The following TTC14 variants were observed in gnomAD, a reference collection of about 807,000 sequenced individuals.
The protein encoded by TTC14 is tetratricopeptide repeat protein 14.
Under a neutral mutation model 79.9 loss-of-function variants are expected in TTC14, and 63 were observed. The observed-to-expected ratio is 0.79, with a 90% CI of 0.64 to 0.97. The LOEUF (loss-of-function observed/expected upper bound fraction) is 0.97, where lower values mean the gene tolerates loss of function less well. Among genes scored for constraint, TTC14 ranks in the 50% least tolerant of loss-of-function variants. The probability of loss-of-function intolerance (pLI) is 0.00; values close to 1 mark genes in which losing one functional copy is unlikely to be tolerated. For synonymous variants in TTC14, 335 were observed against 309.6 expected, an observed-to-expected ratio of 1.08 and a Z score of -0.86; for missense variants, 895 against 894.0, an observed-to-expected ratio of 1.00 and a Z score of -0.01.
At chr3:180,617,012 C>T (rs755443127) in intron 12 of TTC14, 3 of 1,000,760 alleles carry the variant, frequency 3.0e-6, no homozygotes, top group African/African-American at 3.4e-5. Flanking sequence ...CAGAAATTGA[C>T]TTTTATAACT....
At position 180,606,119 on chromosome 3, in the gene TTC14, G is replaced by A. The variant is rs775049158; in HGVS notation, c.930-134G>A. ...CCAAAGGCAGAAGAACGTTCCTTAG[G>A]TATATTGTGAGTACTCTGAAAACTA... On this transcript the variant is annotated intron_variant, in intron 7 of 11. Transcript: ENST00000296015. 7.4e-6 allele frequency: 9 copies of A among 1,218,958 alleles called. No individual in the cohort carries two copies. In the Admixed American group the frequency reaches 1.3e-4, roughly 17 times the overall value. The allele number at this position is 1,218,958 out of a possible 1,614,324, so 75.5% of individuals were successfully genotyped here.
In TTC14 at chr3:180,602,976, G is replaced by A. The variant is rs764904656; in HGVS notation, c.247G>A (p.Asp83Asn). 13 of 1,613,812 alleles carry A rather than the reference G, an allele frequency of 8.1e-6. No individual in the cohort carries two copies. Among genetic ancestry groups the A allele is most frequent in the Non-Finnish European group, 2.5e-6 (3 of 1,179,982 alleles). ...GCTTTTTGCACTTTCCTGGAAATCA[G>A]ATGCACCTGCAACTTCTGAAATTAA... The part of the protein sequence containing the change: ...DLLFALSWKS[D>N]APATSEINED... Residue 83 changes from aspartate to asparagine, a missense_variant, in exon 2 of 12, where the codon GAT becomes AAT. Physicochemically the swap from Asp to Asn is conservative, Grantham distance 23. Coordinates refer to ENST00000296015, the MANE Select transcript of TTC14 (RefSeq NM_133462.4).
intron 11 of TTC14, 188 bp from the exon 12 acceptor site, chr3:180,609,442 T>G (rs1429902417): frequency 1.7e-5 from 22 of 1,294,438 alleles, no homozygotes; most frequent in Non-Finnish European, 2.1e-5. Context: ...GATACCTGTC[T>G]GCAAGCATTT....
chr3:180,608,732 A>G lies in TTC14; in HGVS notation c.1322A>G (p.Glu441Gly). ...TTGGAATTAAGAGAAAAACAAGCTG[A>G]AAAGGAAGAAAAGCAGAAAACAAAG... ...KSLELREKQA[E>G]KEEKQKTKKI... Residue 441 changes from glutamate (E) to glycine (G), a missense_variant, in exon 11 of 12, where the codon GAA becomes GGA. Coordinates refer to ENST00000296015, the MANE Select transcript of TTC14 (RefSeq NM_133462.4). The G allele has an allele frequency of 6.5e-7, 1 of 1,550,198 alleles. No homozygotes were observed.
Position 180,611,101 on chromosome 3 carries a change from A to G in TTC14, c.*559A>G. 1.0e-6 allele frequency: 1 copy of G among 984,564 alleles called. No individual in the cohort carries two copies. Among genetic ancestry groups the G allele is most frequent in the Non-Finnish European group, 1.2e-6 (1 of 829,246 alleles). 61.0% of individuals were successfully genotyped at this position (984,564 alleles called of 1,614,324 possible). On this transcript the variant is annotated 3_prime_UTR_variant, in exon 12 of 12. Transcript: ENST00000296015. ...TGTCTTAATTTTCCTCTAAAGCCCA[A>G]TTTGATTAAAAGTGGTTTGTGAACA...
At chr3:180,609,281 C>A in intron 11 of TTC14, 1 of 578,462 alleles carries the variant, frequency 1.7e-6, no homozygotes, top group Non-Finnish European at 2.2e-6. Context: ...AATTATTTGG[C>A]TGAAAATACC....
chr3:180,605,673 C>T (rs1716639160), intron 6 of TTC14, 93 bp from the exon 7 acceptor site: 4 of 831,400 alleles, frequency 4.8e-6, no homozygotes, highest in South Asian at 3.6e-5. Context: ...GGGATTCATA[C>T]TTTCACTGTC....
In TTC14 at chr3:180,610,110, A is replaced by G. The variant is rs773269753; in HGVS notation, c.1881A>G (p.Arg627=). The G allele has an allele frequency of 1.4e-5, 23 of 1,613,170 alleles. No homozygotes were observed. The highest frequency in any genetic ancestry group is 1.8e-5 in the Non-Finnish European group (21 of 1,179,794). ...CAGAAAGACATTTTTCCAGTAGAAG[A>G]AATTCCTCAGATTCCTTCTGTAGGA... ...YKSERHFSSR[R]NSSDSFCRNS... is the part of the protein sequence containing the mutation. Residue 627 remains arginine (R), a synonymous_variant, in exon 12 of 12, where the codon AGA becomes AGG. Transcript: ENST00000296015.
At chr3:180,615,028 G>A (rs1200935724), downstream of TTC14, 1 of 1,557,232 alleles carries the variant, frequency 6.4e-7, no homozygotes, top group Admixed American at 2.0e-5. Context: ...TTAAGCTCCA[G>A]TACTTTAATT....
chr3:180,613,887 CAGG>C (rs1474258042), downstream of TTC14: 3 of 455,110 alleles, frequency 6.6e-6, no homozygotes, highest in South Asian at 4.7e-5. Flanking sequence ...AAAAAATAAT[CAGG>C]AGAACTATTC....
downstream of TTC14, chr3:180,614,956 A>T: frequency 6.4e-7 from 1 of 1,566,622 alleles, no homozygotes. Context: ...ACATTACTAG[A>T]GCTACTACTA....
At chr3:180,611,306 A>G (rs747277736), downstream of TTC14, among the ~76,000 whole-genome samples, 2 of 152,256 alleles carry the variant, frequency 1.3e-5, no homozygotes, top group Non-Finnish European at 2.9e-5. Flanking sequence ...AGGGTAAATC[A>G]GAAAAGAAAA....
At position 180,616,275 on chromosome 3, in the gene TTC14, G is replaced by A. The variant is rs57859179; in HGVS notation, c.1775-1105G>A. ...TAAGCAGATTTTTTTTTAACCCTCC[G>A]CTTACCTTGCTGATAGTGAAGTATG... On this transcript the variant is annotated intron_variant, in intron 12 of 12. Transcript: ENST00000382584. The A allele has an allele frequency of 1.2e-3, 1,963 of 1,612,398 alleles. 18 individuals carry two copies. The African/African-American group carries it at 0.02, about 17-fold the overall frequency.
In TTC14 at chr3:180,610,749, A is replaced by ATATG. The variant is rs1447785699; in HGVS notation, c.*209_*212dup. 3 of 1,266,446 alleles carry ATATG rather than the reference A, an allele frequency of 2.4e-6. No individual in the cohort carries two copies. The highest frequency in any genetic ancestry group is 3.7e-5 in the East Asian group (1 of 27,040). 78.5% of individuals were successfully genotyped at this position (1,266,446 alleles called of 1,614,324 possible). Reference sequence around the variant, plus strand: ...AGCTTGGTTTTTAGACTTTTTATGTATATGTTTATGTACAGTATATTACTC... The same window carrying ATATG: ...AGCTTGGTTTTTAGACTTTTTATGTATATGTATGTTTATGTACAGTATATTACTC... On this transcript the variant is annotated 3_prime_UTR_variant, in exon 12 of 12. Coordinates refer to ENST00000296015, the MANE Select transcript of TTC14 (RefSeq NM_133462.4).
At position 180,606,134 on chromosome 3, in the gene TTC14, T is replaced by C; in HGVS notation, c.930-119T>C. ...CGTTCCTTAGGTATATTGTGAGTAC[T>C]CTGAAAACTAAATATTTTGCCAAGT... is the stretch of plus-strand genomic sequence containing the variant. On this transcript the variant is annotated intron_variant, in intron 7 of 11. Transcript: ENST00000296015. The C allele has an allele frequency of 5.0e-6, 7 of 1,397,168 alleles. No individual in the cohort carries two copies. The South Asian group carries it at 9.6e-5, about 19-fold the overall frequency. 86.5% of individuals were successfully genotyped at this position (1,397,168 alleles called of 1,614,324 possible).
exon 13 of TTC14, chr3:180,617,733 T>A (rs1339210120): frequency 1.3e-5 from 5 of 375,448 alleles, no homozygotes; most frequent in Non-Finnish European, 2.4e-5. Context: ...AGTAAAAAAA[T>A]TTTACAAAAT....
chr3:180,611,141 C>A, downstream of TTC14: 1 of 985,334 alleles, frequency 1.0e-6, no homozygotes, highest in Non-Finnish European at 1.2e-6. Flanking sequence ...TTGGCTTCCA[C>A]CCAGCATAAG....
Position 180,611,008 on chromosome 3 carries a change from A to G in TTC14, c.*466A>G, listed in dbSNP as rs1716973375. 1.1e-6 allele frequency: 1 copy of G among 935,158 alleles called. No individual in the cohort carries two copies. The highest frequency in any genetic ancestry group is 1.8e-5 in the African/African-American group (1 of 56,180). 57.9% of individuals were successfully genotyped at this position (935,158 alleles called of 1,614,324 possible). On this transcript the variant is annotated 3_prime_UTR_variant, in exon 12 of 12. Coordinates refer to ENST00000296015, the MANE Select transcript of TTC14 (RefSeq NM_133462.4). ...GTTCGAATGTTTCTTGAACACTTTT[A>G]TATTTATCAGTTTAAATATTACATT...
intron 1 of TTC14, 157 bp from the exon 2 acceptor site, chr3:180,602,734 T>C: frequency 1.0e-5 from 9 of 884,984 alleles, no homozygotes; most frequent in Non-Finnish European, 1.5e-5. Context: ...CCAGGTTGGT[T>C]AATGAGGGAA....
Sources: gnomAD v4.1 joint callset for allele counts (sites outside exome capture counted in the v4.1 genomes callset) on GRCh38, gnomAD v4.1.1 for gene constraint, MANE v1.5 for transcripts, NCBI Gene and HGNC (gene_info 2026-07-23, HGNC 2026-07-21) for gene names.